The following DCAF6 variants were observed in gnomAD, a reference collection of about 807,000 sequenced individuals.
The protein encoded by DCAF6 is DDB1- and CUL4-associated factor 6.
DCAF6 carries 54 observed loss-of-function variants against 125.1 expected under a neutral mutation model. The observed-to-expected ratio is 0.43, with a 90% CI of 0.35 to 0.54. The LOEUF (loss-of-function observed/expected upper bound fraction) is 0.54. Among genes scored for constraint, DCAF6 ranks in the 20% least tolerant of loss-of-function variants. The pLI is 0.01. For synonymous variants in DCAF6, 371 were observed against 390.4 expected, an observed-to-expected ratio of 0.95 and a Z score of 0.58; for missense variants, 934 against 1,161.7, an observed-to-expected ratio of 0.80 and a Z score of 2.85.
intron 4 of DCAF6, among the ~76,000 whole-genome samples, chr1:167,978,704 G>A (rs1316173402): frequency 6.6e-6 from 1 of 151,956 alleles, no homozygotes; most frequent in African/African-American, 2.4e-5. Flanking sequence ...TGAGAGATGG[G>A]GTCTCACTTT....
At chr1:167,997,100 T>C (rs1022457616) in intron 7 of DCAF6, among the ~76,000 whole-genome samples, 9 of 152,204 alleles carry the variant, frequency 5.9e-5, no homozygotes, top group African/African-American at 2.4e-5. Flanking sequence ...ACCTGACATA[T>C]AAAAGGTGCT....
intron 3 of DCAF6, among the ~76,000 whole-genome samples, chr1:167,971,948 C>T (rs773074846): frequency 1.3e-5 from 2 of 152,130 alleles, no homozygotes; most frequent in African/African-American, 4.8e-5. Context: ...CTCCACCTCC[C>T]GGGTTCAAGT....
In DCAF6 at chr1:168,066,471, A is replaced by G; in HGVS notation, c.2685+6A>G. 3.8e-6 allele frequency: 6 copies of G among 1,562,460 alleles called. No individual in the cohort carries two copies. Among genetic ancestry groups the G allele is most frequent in the Non-Finnish European group, 5.3e-6 (6 of 1,135,366 alleles). On this transcript the variant is annotated splice_donor_region_variant and intron_variant, in intron 20 of 21. Coordinates refer to ENST00000367840, the MANE Select transcript of DCAF6 (RefSeq NM_001198956.2). ...ACCGAAAACTTGCTGATGAAGTAAG[A>G]TTTTTATTGTACTTACTATAGACCA...
chr1:167,897,727 G>GT, the DCAF6 span, among the ~76,000 whole-genome samples: 1,158 of 1,158 alleles, frequency 1, 579 homozygotes, highest in Non-Finnish European at 1. Context: ...CGGGCGCCAG[G>GT]GGCTCACGCC....
intron 17 of DCAF6, among the ~76,000 whole-genome samples, chr1:168,055,139 G>A (rs1310303513): frequency 1.3e-5 from 2 of 151,884 alleles, no homozygotes; most frequent in Non-Finnish European, 2.9e-5. Context: ...TGGGGAATGC[G>A]TCTTTAACAC....
chr1:167,993,486 A>C, intron 7 of DCAF6, 46 bp downstream of exon 7: 215 of 1,532,854 alleles, frequency 1.4e-4, no homozygotes, highest in Non-Finnish European at 1.8e-4. Flanking sequence ...GCGGTGGCTC[A>C]CGCCTGTAAT....
the DCAF6 span, among the ~76,000 whole-genome samples, chr1:167,868,565 C>A: frequency 6.6e-6 from 1 of 152,080 alleles, no homozygotes; most frequent in East Asian, 1.9e-4. Context: ...GACTAGACAG[C>A]CCCCCACTAG....
intron 12 of DCAF6, among the ~76,000 whole-genome samples, chr1:168,034,524 G>C (rs992439350): frequency 5.3e-5 from 8 of 152,146 alleles, no homozygotes; most frequent in Admixed American, 2.0e-4. Context: ...AGGATGGAGT[G>C]GGGGAGGAAA....
At chr1:167,979,480 T>G (rs981337615) in intron 4 of DCAF6, among the ~76,000 whole-genome samples, 1 of 152,240 alleles carries the variant, frequency 6.6e-6, no homozygotes, top group African/African-American at 2.4e-5. Flanking sequence ...TATTTGACTT[T>G]TGATGACTGA....
chr1:167,934,767 T>C (rs1225519683), upstream of DCAF6, among the ~76,000 whole-genome samples: 4 of 152,188 alleles, frequency 2.6e-5, no homozygotes, highest in East Asian at 7.7e-4. Flanking sequence ...AGTCTTTCAA[T>C]TTACAACACA....
intron 13 of DCAF6, among the ~76,000 whole-genome samples, chr1:168,038,692 G>A (rs532394095): frequency 5.3e-5 from 8 of 152,164 alleles, no homozygotes; most frequent in African/African-American, 1.9e-4. Context: ...TGGAGTGGGG[G>A]TCTGAGAATT....
the DCAF6 span, among the ~76,000 whole-genome samples, chr1:167,889,882 C>T: frequency 6.6e-6 from 1 of 152,094 alleles, no homozygotes; most frequent in African/African-American, 2.4e-5. Flanking sequence ...GTTGTAATGT[C>T]TCCTCTTTCA....
chr1:168,064,479 T>G (rs1020682948), intron 18 of DCAF6, among the ~76,000 whole-genome samples: 1 of 152,186 alleles, frequency 6.6e-6, no homozygotes, highest in Non-Finnish European at 1.5e-5. Flanking sequence ...TTACCCTTGC[T>G]GATGAATTTG....
the DCAF6 span, among the ~76,000 whole-genome samples, chr1:167,916,108 A>C: frequency 1.3e-5 from 2 of 152,232 alleles, no homozygotes; most frequent in African/African-American, 4.8e-5. Context: ...ATTGATAGTA[A>C]GGACTTCTAA....
chr1:167,885,595 G>A, the DCAF6 span, among the ~76,000 whole-genome samples: 2 of 152,040 alleles, frequency 1.3e-5, no homozygotes, highest in African/African-American at 4.8e-5. Context: ...CCATTTGTAT[G>A]TCTTCCTTTG....
the DCAF6 span, among the ~76,000 whole-genome samples, chr1:167,925,977 A>C: frequency 1.3e-5 from 2 of 152,248 alleles, no homozygotes; most frequent in African/African-American, 4.8e-5. Flanking sequence ...TTAATCCTAA[A>C]GTCCTACAGC....
chr1:167,975,392 T>C lies in DCAF6; in HGVS notation c.438+377T>C, dbSNP rs930516911. 6.6e-5 allele frequency among the ~76,000 whole-genome samples: 10 copies of C among 152,336 alleles called. No individual in the cohort carries two copies. In the Middle Eastern group the frequency reaches 0.01, roughly 155 times the overall value. ...TGTAAAGTCATAGCCAACATGCTTA[T>C]CAAATTTTTGTAGGATAGAAGGGAC... is the stretch of plus-strand genomic sequence containing the variant. On this transcript the variant is annotated intron_variant, in intron 4 of 21. Coordinates refer to ENST00000367840, the MANE Select transcript of DCAF6 (RefSeq NM_001198956.2).
the DCAF6 span, chr1:167,919,889 C>T: frequency 7.9e-6 from 6 of 761,690 alleles, no homozygotes; most frequent in Non-Finnish European, 1.3e-5. Flanking sequence ...GCCTGGGCAA[C>T]AGAGCGAGAC....
chr1:168,073,963 TATTG>T (rs201382199), intron 21 of DCAF6, among the ~76,000 whole-genome samples: 1,604 of 148,574 alleles, frequency 0.011, 29 homozygotes, highest in African/African-American at 0.036. Flanking sequence ...TATAAATATG[TATTG>T]AATACATATT....
Sources: gnomAD v4.1 joint callset for allele counts (sites outside exome capture counted in the v4.1 genomes callset) on GRCh38, gnomAD v4.1.1 for gene constraint, MANE v1.5 for transcripts, NCBI Gene and HGNC (gene_info 2026-07-23, HGNC 2026-07-21) for gene names.